Variants in AAK1 observed in about 807,000 individuals in gnomAD.
AAK1 encodes the protein AP2-associated protein kinase 1.
In AAK1, 37 loss-of-function variants were observed where a neutral mutation model predicts 116.0. The ratio of observed to expected loss-of-function variants is 0.32; its 90% CI spans 0.25 to 0.42. AAK1 has a LOEUF of 0.42. Among genes scored for constraint, AAK1 ranks in the 10% least tolerant of loss-of-function variants. AAK1 has a pLI of 1.00. For synonymous variants in AAK1, 458 were observed against 439.9 expected, an observed-to-expected ratio of 1.04 and a Z score of -0.51; for missense variants, 919 against 1,170.6, an observed-to-expected ratio of 0.79 and a Z score of 3.14.
rs534083973 is a variant in AAK1 at position 69,603,935 on chromosome 2, G to A, written c.163+38943C>T. 2.5e-3 allele frequency among the ~76,000 whole-genome samples: 380 copies of A among 152,304 alleles called. 2 individuals carry two copies. The highest frequency in any genetic ancestry group is 8.5e-3 in the African/African-American group (353 of 41,560). ...CTGATGCTGTTTTCTATCTGTGGCT[G>A]AAAAATGAGGTATTTTCCGATAATA... On this transcript the variant is annotated intron_variant, in intron 2 of 21. Transcript: ENST00000409085.
chr2:69,617,740 G>C (rs74504725), intron 2 of AAK1, among the ~76,000 whole-genome samples: 1 of 152,222 alleles, frequency 6.6e-6, no homozygotes. Flanking sequence ...GCAGCACGCT[G>C]TGCCTGCTCC....
chr2:69,511,498 T>C (rs537428623), intron 13 of AAK1, among the ~76,000 whole-genome samples: 1 of 152,326 alleles, frequency 6.6e-6, no homozygotes, highest in African/African-American at 2.4e-5. Flanking sequence ...CACAACTTCC[T>C]CTGGGGGTCC....
intron 2 of AAK1, among the ~76,000 whole-genome samples, chr2:69,587,561 G>A (rs1672845030): frequency 6.6e-6 from 1 of 151,774 alleles, no homozygotes; most frequent in Admixed American, 6.6e-5. Context: ...CGCCTCTTGG[G>A]TTCAAGTGAT....
At chr2:69,620,193 C>T (rs1462059165) in intron 2 of AAK1, among the ~76,000 whole-genome samples, 1 of 152,140 alleles carries the variant, frequency 6.6e-6, no homozygotes, top group African/African-American at 2.4e-5. Context: ...GAATATAGAG[C>T]AAACAGGATT....
At position 69,475,150 on chromosome 2, in the gene AAK1, C is replaced by G. The variant is rs1674807053; in HGVS notation, c.*719G>C. 9 of 985,728 alleles carry G rather than the reference C, an allele frequency of 9.1e-6. No individual in the cohort carries two copies. Among genetic ancestry groups the G allele is most frequent in the Non-Finnish European group, 1.1e-5 (9 of 829,948 alleles). The allele number at this position is 985,728 out of a possible 1,614,324, so 61.1% of individuals were successfully genotyped here. A position where few individuals can be genotyped will look rare whatever the true frequency, so the allele number is the denominator to read the frequency against. On this transcript the variant is annotated 3_prime_UTR_variant, in exon 22 of 22. Transcript: ENST00000409085. ...GGATCTCAAATACTTGCAGTCACGT[C>G]TCCAGATCTGAGAAATCACGGTTCA...
intron 2 of AAK1, among the ~76,000 whole-genome samples, chr2:69,624,525 C>T (rs1052294262): frequency 6.6e-6 from 1 of 152,178 alleles, no homozygotes; most frequent in African/African-American, 2.4e-5. Context: ...CAATGACAAT[C>T]TATGGGACTA....
In AAK1 at chr2:69,497,091, G is replaced by C. The variant is rs1401531218; in HGVS notation, c.2270-1011C>G. Among the ~76,000 whole-genome samples the C allele has an allele frequency of 3.3e-5, 5 of 151,962 alleles. No individual in the cohort carries two copies. In the East Asian group the frequency reaches 9.6e-4, roughly 29 times the overall value. On this transcript the variant is annotated intron_variant, in intron 16 of 21. Coordinates refer to ENST00000409085, the MANE Select transcript of AAK1 (RefSeq NM_014911.5). ...AATGAAGCCTAAACGTTAAAGACTA[G>C]CCAGAGGTAGGATCAGAAGCCAGGT...
Position 69,520,920 on chromosome 2 carries a change from G to C in AAK1, c.1124C>G (p.Thr375Ser). Residue 375 changes from threonine to serine, a missense_variant, in exon 11 of 22, where the codon ACT (threonine) becomes AGT (serine). Thr to Ser is a moderately conservative substitution (Grantham distance 58). Around this residue, in one of 4 missense-constraint regions of AAK1, gnomAD observed 317 missense variants for 490.4 expected, o/e 0.65. Transcript: ENST00000409085. ...GGGAAGGATTCCTGGGTTCGGCTGA[G>C]TCTGCCCAGCTTTAGGCCTCTGGCG... ...APRQRPKAGQTQPNPGILPIQ... is the reference protein window; with the variant it reads ...APRQRPKAGQSQPNPGILPIQ... 1 of 1,612,524 alleles carries C rather than the reference G, an allele frequency of 6.2e-7. No homozygotes were observed. The highest frequency in any genetic ancestry group is 8.5e-7 in the Non-Finnish European group (1 of 1,179,004).
chr2:69,571,676 G>A (rs750704939), intron 2 of AAK1, among the ~76,000 whole-genome samples: 3 of 152,144 alleles, frequency 2.0e-5, no homozygotes, highest in Non-Finnish European at 1.5e-5. Context: ...CACTTGATGA[G>A]TTAGAATTTT....
rs887949427 is a variant in AAK1, at chr2:69,468,923, T to A, written c.*6946A>T. ...AGAGCATATTCTATGACCTTCATGATGAGTACTGGGAAAATCAGACTTAAA... is the reference window on the plus strand; with the variant it reads ...AGAGCATATTCTATGACCTTCATGAAGAGTACTGGGAAAATCAGACTTAAA... On this transcript the variant is annotated 3_prime_UTR_variant, in exon 22 of 22. Coordinates refer to ENST00000409085, the MANE Select transcript of AAK1 (RefSeq NM_014911.5). The A allele has an allele frequency of 1.0e-5, 10 of 985,320 alleles. No individual in the cohort carries two copies. The highest frequency in any genetic ancestry group is 1.1e-5 in the Non-Finnish European group (9 of 829,930). The allele number at this position is 985,320 out of a possible 1,614,324, so 61.0% of individuals were successfully genotyped here. A position where few individuals can be genotyped will look rare whatever the true frequency, so the allele number is the denominator to read the frequency against.
In AAK1 at chr2:69,470,355, A is replaced by G. The variant is rs1283968414; in HGVS notation, c.*5514T>C. On this transcript the variant is annotated 3_prime_UTR_variant, in exon 22 of 22. Transcript: ENST00000409085. Reference sequence around the variant, plus strand: ...ATTGAAACGTAAAATTTTAGAACCAAACTGGGGAAATCAAGAGACGTACAT... The same window carrying G: ...ATTGAAACGTAAAATTTTAGAACCAGACTGGGGAAATCAAGAGACGTACAT... The G allele has an allele frequency of 3.0e-6, 3 of 985,322 alleles. No individual in the cohort carries two copies. In the Admixed American group the frequency reaches 1.8e-4, roughly 61 times the overall value. The allele number at this position is 985,322 out of a possible 1,614,324, so 61.0% of individuals were successfully genotyped here. A position where few individuals can be genotyped will look rare whatever the true frequency, so the allele number is the denominator to read the frequency against.
At chr2:69,597,894 C>G (rs993665246) in intron 2 of AAK1, 1 of 204,320 alleles carries the variant, frequency 4.9e-6, no homozygotes, top group African/African-American at 2.3e-5. Flanking sequence ...ACTAACCAAC[C>G]ATTTCTCATC....
At chr2:69,497,868 G>A (rs751435866) in intron 16 of AAK1, among the ~76,000 whole-genome samples, 20 of 152,020 alleles carry the variant, frequency 1.3e-4, no homozygotes, top group Non-Finnish European at 2.1e-4. Flanking sequence ...GCACAGTACC[G>A]CGGCCCTAGG....
At chr2:69,577,521 T>A (rs1672362451) in intron 2 of AAK1, among the ~76,000 whole-genome samples, 1 of 152,028 alleles carries the variant, frequency 6.6e-6, no homozygotes, top group African/African-American at 2.4e-5. Flanking sequence ...CCCTCTACCC[T>A]CCATGACAGG....
chr2:69,555,209 G>A (rs975836664), intron 3 of AAK1, among the ~76,000 whole-genome samples: 2 of 152,228 alleles, frequency 1.3e-5, no homozygotes, highest in South Asian at 2.1e-4. Flanking sequence ...GATACAGCAA[G>A]AACAGGAATC....
At chr2:69,564,486 A>T (rs1671781600) in intron 2 of AAK1, among the ~76,000 whole-genome samples, 1 of 152,148 alleles carries the variant, frequency 6.6e-6, no homozygotes, top group Admixed American at 6.5e-5. Context: ...CTACAGCTCT[A>T]GGTATAAGTA....
At chr2:69,540,459 G>A (rs1670661892) in intron 5 of AAK1, among the ~76,000 whole-genome samples, 1 of 152,200 alleles carries the variant, frequency 6.6e-6, no homozygotes. Context: ...AGGGCTGACT[G>A]TGCGCAGAGG....
Position 69,475,628 on chromosome 2 carries a change from G to A in AAK1, c.*241C>T. 7.7e-7 allele frequency: 1 copy of A among 1,294,644 alleles called. No homozygotes were observed. Among genetic ancestry groups the A allele is most frequent in the East Asian group, 3.0e-5 (1 of 33,848 alleles). 80.2% of individuals were successfully genotyped at this position (1,294,644 alleles called of 1,614,324 possible). ...CTTGATTTAAGATAATGCTATTGAA[G>A]AAGGGTAATGAGAAAACACAGCAAA... On this transcript the variant is annotated 3_prime_UTR_variant, in exon 22 of 22. Coordinates refer to ENST00000409085, the MANE Select transcript of AAK1 (RefSeq NM_014911.5).
chr2:69,571,258 T>G (rs1286506415), intron 2 of AAK1, among the ~76,000 whole-genome samples: 1 of 152,176 alleles, frequency 6.6e-6, no homozygotes, highest in African/African-American at 2.4e-5. Flanking sequence ...GAGTGCATTC[T>G]CCCTTGAGAA....
Sources: allele counts gnomAD v4.1 joint callset (sites outside exome capture counted in the v4.1 genomes callset), GRCh38; gene constraint gnomAD v4.1.1; regional missense constraint gnomAD v4.1.1; transcripts MANE v1.5; gene names NCBI Gene and HGNC (gene_info 2026-07-23, HGNC 2026-07-21).